Variants in ADGRL3 observed in about 807,000 individuals in gnomAD.
The protein encoded by ADGRL3 is adhesion G protein-coupled receptor L3.
In ADGRL3, 62 loss-of-function variants were observed where a neutral mutation model predicts 153.5. That is an observed-to-expected ratio of 0.40 (90% confidence interval 0.33 to 0.50). ADGRL3 has a LOEUF of 0.50. Among genes scored for constraint, ADGRL3 ranks in the 20% least tolerant of loss-of-function variants. The pLI is 0.47. For synonymous variants in ADGRL3, 710 were observed against 672.5 expected, an observed-to-expected ratio of 1.06 and a Z score of -0.86; for missense variants, 1,641 against 1,859.4, an observed-to-expected ratio of 0.88 and a Z score of 2.16.
chr4:62,036,128 G>C (rs1313148103), intron 23 of ADGRL3, among the ~76,000 whole-genome samples: 2 of 151,990 alleles, frequency 1.3e-5, no homozygotes, highest in Middle Eastern at 3.2e-3. Flanking sequence ...AGAAGAGACT[G>C]GTTGCAAAAC....
In ADGRL3 at chr4:61,639,205, C is replaced by T. The variant is rs112185547; in HGVS notation, c.474-37621C>T. Among the ~76,000 whole-genome samples the T allele has an allele frequency of 9.9e-5, 15 of 152,194 alleles. 2 individuals carry two copies. Among genetic ancestry groups the T allele is most frequent in the African/African-American group, 3.4e-4 (14 of 41,540 alleles). On this transcript the variant is annotated intron_variant, in intron 5 of 26. Coordinates refer to ENST00000683033, the MANE Select transcript of ADGRL3 (RefSeq NM_001387552.1). Reference sequence around the variant, plus strand: ...CCCATTTTTAAGCCATATTTGTCTTCCAGTCCCCATTCCCCTATTGCCTCA... The same window carrying T: ...CCCATTTTTAAGCCATATTTGTCTTTCAGTCCCCATTCCCCTATTGCCTCA...
At chr4:61,623,058 C>A (rs1365587919) in intron 5 of ADGRL3, among the ~76,000 whole-genome samples, 1 of 151,968 alleles carries the variant, frequency 6.6e-6, no homozygotes, top group Non-Finnish European at 1.5e-5. Flanking sequence ...GTTTTGAAAT[C>A]TCTCTAACTT....
Position 61,517,324 on chromosome 4 carries a change from A to G in ADGRL3, c.65A>G (p.His22Arg), listed in dbSNP as rs1179250171. 2.8e-6 allele frequency: 2 copies of G among 703,008 alleles called. No homozygotes were observed. Among genetic ancestry groups the G allele is most frequent in the Non-Finnish European group, 5.2e-6 (2 of 385,326 alleles). The allele number at this position is 703,008 out of a possible 1,614,324, so 43.5% of individuals were successfully genotyped here. A position where few individuals can be genotyped will look rare whatever the true frequency, so the allele number is the denominator to read the frequency against. ...CCTGCGGTCCCCGCAGGTGGCAAGC[A>G]CAGTGAACGACATCCTGCCCTTGCT... ...LLAPIIHGGK[H>R]SERHPALAAP... Residue 22 changes from histidine (H) to arginine (R), a missense_variant, in exon 4 of 27, where the codon CAC (histidine) becomes CGC (arginine). By Grantham distance (29) the His-to-Arg change is conservative (BLOSUM62 0). This residue lies in a region of ADGRL3 where 145 missense variants were observed against 79.1 expected (regional missense o/e 1.83). Coordinates refer to ENST00000683033, the MANE Select transcript of ADGRL3 (RefSeq NM_001387552.1).
Position 61,337,030 on chromosome 4 carries a change from A to G in ADGRL3, c.-239-46094A>G, listed in dbSNP as rs532426913. 2.7e-5 allele frequency among the ~76,000 whole-genome samples: 4 copies of G among 148,606 alleles called. No homozygotes were observed. The Admixed American group carries it at 2.7e-4, about 10-fold the overall frequency. On this transcript the variant is annotated intron_variant, in intron 1 of 26. Coordinates refer to ENST00000683033, the MANE Select transcript of ADGRL3 (RefSeq NM_001387552.1). ...GGGCTAAATTTGAGGCTAATTTCCTACCTGTGGAGGTGTGGATGAATTGCC... is the reference window on the plus strand; with the variant it reads ...GGGCTAAATTTGAGGCTAATTTCCTGCCTGTGGAGGTGTGGATGAATTGCC...
chr4:61,528,250 G>A (rs1199003829), intron 4 of ADGRL3, among the ~76,000 whole-genome samples: 1 of 152,028 alleles, frequency 6.6e-6, no homozygotes, highest in East Asian at 1.9e-4. Context: ...AGCCATCAGT[G>A]TTAGTGATTC....
At chr4:61,761,336 G>A (rs2096909921) in intron 8 of ADGRL3, among the ~76,000 whole-genome samples, 1 of 152,210 alleles carries the variant, frequency 6.6e-6, no homozygotes, top group South Asian at 2.1e-4. Flanking sequence ...TCCTCCCAAA[G>A]TTAGTTCAGC....
intron 15 of ADGRL3, among the ~76,000 whole-genome samples, chr4:61,945,517 G>A (rs1288227097): frequency 8.7e-4 from 118 of 135,530 alleles, no homozygotes; most frequent in African/African-American, 3.1e-3. Context: ...GGGCAATGGC[G>A]GGCGCCCCTC....
At chr4:61,256,402 T>C (rs1050212439) in intron 1 of ADGRL3, among the ~76,000 whole-genome samples, 2 of 152,204 alleles carry the variant, frequency 1.3e-5, no homozygotes, top group African/African-American at 4.8e-5. Flanking sequence ...TCATCAGAAG[T>C]TATCTTTCTG....
At chr4:61,416,921 T>A (rs1404785925) in intron 2 of ADGRL3, among the ~76,000 whole-genome samples, 1 of 152,176 alleles carries the variant, frequency 6.6e-6, no homozygotes, top group Non-Finnish European at 1.5e-5. Context: ...CTTGTTTTTC[T>A]GAAACTACAT....
At chr4:62,052,083 T>C (rs901954171) in intron 25 of ADGRL3, among the ~76,000 whole-genome samples, 23 of 151,716 alleles carry the variant, frequency 1.5e-4, no homozygotes, top group African/African-American at 5.5e-4. Flanking sequence ...CCATTTTCTT[T>C]ATATCCATAA....
chr4:61,336,998 C>T (rs963149406), intron 1 of ADGRL3, among the ~76,000 whole-genome samples: 3 of 151,862 alleles, frequency 2.0e-5, no homozygotes, highest in African/African-American at 7.3e-5. Flanking sequence ...GTTCCTTAGA[C>T]TAAAATGGGC....
At chr4:62,012,005 C>T (rs1188284954) in intron 21 of ADGRL3, among the ~76,000 whole-genome samples, 1 of 151,700 alleles carries the variant, frequency 6.6e-6, no homozygotes, top group Non-Finnish European at 1.5e-5. Context: ...TTATTTAGTA[C>T]AATGATTATA....
rs150196814 is a variant in ADGRL3 at position 61,275,946 on chromosome 4, A to G, written c.-240+74181A>G. On this transcript the variant is annotated intron_variant, in intron 1 of 26. Coordinates refer to ENST00000683033, the MANE Select transcript of ADGRL3 (RefSeq NM_001387552.1). ...ATTTTTTCCAAGCATTAGAGCTCAG[A>G]CTCTGTAGCACAGGCCAAAGAAAGG... 6.3e-3 allele frequency among the ~76,000 whole-genome samples: 966 copies of G among 152,250 alleles called. 15 individuals carry two copies. The highest frequency in any genetic ancestry group is 0.022 in the African/African-American group (916 of 41,558).
chr4:61,622,294 A>ATTTG (rs2092571789), intron 5 of ADGRL3, among the ~76,000 whole-genome samples: 1 of 152,166 alleles, frequency 6.6e-6, no homozygotes, highest in Non-Finnish European at 1.5e-5. Flanking sequence ...GAGAATGCTA[A>ATTTG]TTAATACCAA....
chr4:62,070,713 C>G lies in ADGRL3; in HGVS notation c.4437C>G (p.Ala1479=). The change falls in exon 27 of 27, where the codon GCC becomes GCG. Residue 1479 remains alanine, a synonymous_variant. Coordinates refer to ENST00000683033, the MANE Select transcript of ADGRL3 (RefSeq NM_001387552.1). ...GCACCCAGACCGAACCCCCACCGGC[C>G]AAATGTGGTGATGCCGAAGATGTTT... ...TTSTQTEPPP[A]KCGDAEDVYY... 6.4e-7 allele frequency: 1 copy of G among 1,551,640 alleles called. No homozygotes were observed. Among genetic ancestry groups the G allele is most frequent in the Non-Finnish European group, 8.7e-7 (1 of 1,146,978 alleles).
At chr4:62,061,828 A>G (rs1740351094) in intron 25 of ADGRL3, among the ~76,000 whole-genome samples, 1 of 152,018 alleles carries the variant, frequency 6.6e-6, no homozygotes, top group South Asian at 2.1e-4. Context: ...ACTTCATGGT[A>G]TGGGAATACT....
intron 6 of ADGRL3, among the ~76,000 whole-genome samples, chr4:61,683,953 T>A (rs969119089): frequency 7.9e-5 from 12 of 152,072 alleles, no homozygotes; most frequent in Non-Finnish European, 1.5e-4. Context: ...AAAATATGAA[T>A]AGACTTTCCT....
At chr4:61,357,759 T>G (rs945086156) in intron 1 of ADGRL3, among the ~76,000 whole-genome samples, 2 of 152,110 alleles carry the variant, frequency 1.3e-5, no homozygotes, top group Admixed American at 1.3e-4. Context: ...CACTTTGATC[T>G]GTTTGGAAAA....
intron 1 of ADGRL3, among the ~76,000 whole-genome samples, chr4:61,279,374 T>C (rs2093623681): frequency 6.6e-6 from 1 of 152,178 alleles, no homozygotes. Context: ...ATAAGATTCA[T>C]TTTTTCCTGT....
Sources: gnomAD v4.1 joint callset for allele counts (sites outside exome capture counted in the v4.1 genomes callset) on GRCh38, gnomAD v4.1.1 for gene constraint, gnomAD v4.1.1 regional missense constraint, MANE v1.5 for transcripts, NCBI Gene and HGNC (gene_info 2026-07-23, HGNC 2026-07-21) for gene names.